The following ITPKB variants were observed in gnomAD, a reference collection of about 807,000 sequenced individuals.
ITPKB encodes the protein IP3 3-kinase B.
ITPKB carries 13 observed loss-of-function variants against 69.4 expected under a neutral mutation model. That is an observed-to-expected ratio of 0.19 (90% CI 0.12 to 0.30). ITPKB has a LOEUF of 0.30. Among genes scored for constraint, ITPKB ranks in the 10% least tolerant of loss-of-function variants. The pLI is 1.00. For missense variants in ITPKB, 1,240 were observed against 1,250.5 expected (o/e 0.99, Z 0.13); for synonymous variants, 584 against 513.7 (o/e 1.14, Z -1.85).
rs1015480203 is a variant in ITPKB at position 226,738,467 on chromosome 1, T to C, written c.-206+574A>G. Among the ~76,000 whole-genome samples, 1 of 152,154 alleles carries C rather than the reference T, an allele frequency of 6.6e-6. No individual in the cohort carries two copies. Among genetic ancestry groups the C allele is most frequent in the Admixed American group, 6.5e-5 (1 of 15,288 alleles). ...TCCCCTATGGGGGGGTGTCTGTGAG[T>C]GTGTGTGTATACACGCGTGTGTGTA... On this transcript the variant is annotated intron_variant, in intron 1 of 7. Transcript: ENST00000429204. The surrounding 1 kb of genome is among the most constrained non-coding windows in gnomAD (Gnocchi z 4.2).
chr1:226,686,347 T>C (rs1396923930), intron 2 of ITPKB, among the ~76,000 whole-genome samples: 1 of 152,198 alleles, frequency 6.6e-6, no homozygotes, highest in East Asian at 1.9e-4. Context: ...GAAGCCATAG[T>C]CAGTTTCAAA....
At chr1:226,651,505 G>A (rs1447233626) in intron 2 of ITPKB, among the ~76,000 whole-genome samples, 2 of 152,224 alleles carry the variant, frequency 1.3e-5, no homozygotes, top group Non-Finnish European at 2.9e-5. Context: ...TGTCTCTGAA[G>A]TTACTTCAAG....
intron 2 of ITPKB, among the ~76,000 whole-genome samples, chr1:226,699,963 G>C (rs1383726634): frequency 6.6e-6 from 1 of 152,176 alleles, no homozygotes; most frequent in Admixed American, 6.5e-5. Flanking sequence ...TGATGTTCAA[G>C]GGCAGGAAGG....
intron 2 of ITPKB, among the ~76,000 whole-genome samples, chr1:226,667,421 G>A (rs181414791): frequency 2.4e-4 from 36 of 152,188 alleles, no homozygotes; most frequent in African/African-American, 8.2e-4. Context: ...GCTTAAGGGC[G>A]GGGTTTCTGA....
chr1:226,680,629 G>A (rs957149897), intron 2 of ITPKB, among the ~76,000 whole-genome samples: 7 of 152,214 alleles, frequency 4.6e-5, no homozygotes, highest in African/African-American at 1.7e-4. Context: ...TTTCAGCAAG[G>A]GCGTTTGGAA....
rs1186247826 is a variant in ITPKB at position 226,738,687 on chromosome 1, C to CA, written c.-206+353dup. On this transcript the variant is annotated intron_variant, in intron 1 of 7. Transcript: ENST00000429204. This position sits in a 1 kb window ranked among gnomAD's most constrained non-coding sequence, Gnocchi z 4.2. Reference sequence around the variant, plus strand: ...CCCAGGAGCCGGCGCTCTAACACCCCAGGGCAGCGCCGCGGAGCGCAGGGC... The same window carrying CA: ...CCCAGGAGCCGGCGCTCTAACACCCCAAGGGCAGCGCCGCGGAGCGCAGGGC... 6.6e-6 allele frequency among the ~76,000 whole-genome samples: 1 copy of CA among 152,172 alleles called. No homozygotes were observed. The highest frequency in any genetic ancestry group is 1.5e-5 in the Non-Finnish European group (1 of 68,002).
intron 2 of ITPKB, among the ~76,000 whole-genome samples, chr1:226,713,839 C>T (rs1406241589): frequency 6.6e-6 from 1 of 152,196 alleles, no homozygotes. Flanking sequence ...ATAAAACAAT[C>T]TACCACATCC....
chr1:226,636,790 G>T (rs1390428294), intron 7 of ITPKB, among the ~76,000 whole-genome samples: 3 of 143,452 alleles, frequency 2.1e-5, no homozygotes, highest in African/African-American at 8.3e-5. Context: ...GTGTGTGTGT[G>T]TGTGAGACTG....
chr1:226,657,347 C>T (rs1669312718), intron 2 of ITPKB: 2 of 152,310 alleles, frequency 1.3e-5, no homozygotes, highest in Non-Finnish European at 2.9e-5. Context: ...AGGGGGTTTA[C>T]ATTCTCTTCT....
chr1:226,701,497 G>A (rs1342335499), intron 2 of ITPKB, among the ~76,000 whole-genome samples: 2 of 150,552 alleles, frequency 1.3e-5, no homozygotes, highest in South Asian at 2.1e-4. Flanking sequence ...CCAGCTACTC[G>A]GGAGGCTGAG....
At chr1:226,682,760 G>T (rs1656119292) in intron 2 of ITPKB, among the ~76,000 whole-genome samples, 1 of 152,172 alleles carries the variant, frequency 6.6e-6, no homozygotes, top group African/African-American at 2.4e-5. Flanking sequence ...AGCTGTGGAA[G>T]ATAAAAGAAG....
chr1:226,712,997 A>T (rs1406176711), intron 2 of ITPKB, among the ~76,000 whole-genome samples: 6 of 152,114 alleles, frequency 3.9e-5, no homozygotes, highest in African/African-American at 1.2e-4. Context: ...CCACATATCT[A>T]CACCCATACA....
intron 2 of ITPKB, among the ~76,000 whole-genome samples, chr1:226,689,749 C>T (rs117008900): frequency 0.015 from 2,255 of 152,122 alleles, 110 homozygotes; most frequent in Admixed American, 0.081. Context: ...TAGTTATTTC[C>T]CCTGATCCTC....
At chr1:226,677,342 G>T (rs979110158) in intron 2 of ITPKB, among the ~76,000 whole-genome samples, 1 of 152,324 alleles carries the variant, frequency 6.6e-6, no homozygotes, top group African/African-American at 2.4e-5. Flanking sequence ...CAGGGCTGGG[G>T]AGAGACCTTG....
At position 226,648,688 on chromosome 1, in the gene ITPKB, C is replaced by G; in HGVS notation, c.2016G>C (p.Gln672His). 6.2e-7 allele frequency: 1 copy of G among 1,609,630 alleles called. No homozygotes were observed. The part of the protein sequence containing the change: ...MSFKKKYPWI[Q>H]LAGHAGSFKA... ...TGTGTCTACCTGCGTGTCCTGCCAG[C>G]TGGATCCAGGGGTACTTCTTCTTGA... Residue 672 changes from glutamine to histidine, a missense_variant, in exon 3 of 8, where the codon CAG (glutamine) becomes CAC (histidine). Around this residue, in one of 2 missense-constraint regions of ITPKB, gnomAD observed 248 missense variants for 396.7 expected, o/e 0.63. Coordinates refer to ENST00000429204, the MANE Select transcript of ITPKB (RefSeq NM_002221.4).
intron 2 of ITPKB, among the ~76,000 whole-genome samples, chr1:226,655,344 C>T (rs1052134738): frequency 6.6e-6 from 1 of 152,228 alleles, no homozygotes; most frequent in Non-Finnish European, 1.5e-5. Context: ...GACTGCTCAG[C>T]CAGGAAATGG....
intron 2 of ITPKB, among the ~76,000 whole-genome samples, chr1:226,664,381 G>A (rs1213128376): frequency 6.6e-6 from 1 of 152,218 alleles, no homozygotes; most frequent in African/African-American, 2.4e-5. Context: ...GGAGCTGAAC[G>A]AGAGCCCCTG....
intron 2 of ITPKB, among the ~76,000 whole-genome samples, chr1:226,715,666 A>G (rs1657077865): frequency 6.6e-6 from 1 of 152,236 alleles, no homozygotes; most frequent in African/African-American, 2.4e-5. Flanking sequence ...AGGTTTTTGT[A>G]TAGCAATATT....
chr1:226,655,936 C>G (rs529442100), intron 2 of ITPKB, among the ~76,000 whole-genome samples: 1 of 152,198 alleles, frequency 6.6e-6, no homozygotes, highest in Non-Finnish European at 1.5e-5. Flanking sequence ...GCAGCGCACC[C>G]GGGCTCATAT....
Sources: gnomAD v4.1 joint callset for allele counts (sites outside exome capture counted in the v4.1 genomes callset) on GRCh38, gnomAD v4.1.1 for gene constraint, gnomAD v4.1.1 regional missense constraint, Gnocchi (gnomAD v3.1) non-coding constraint, MANE v1.5 for transcripts, NCBI Gene and HGNC (gene_info 2026-07-23, HGNC 2026-07-21) for gene names.